Variants in GALNTL6 observed in about 807,000 individuals in gnomAD.
GALNTL6 encodes the protein polypeptide N-acetylgalactosaminyltransferase like 6.
A neutral mutation model predicts 73.7 loss-of-function variants in GALNTL6; 46 were observed. That is an observed-to-expected ratio of 0.62 (90% CI 0.49 to 0.80). The LOEUF is 0.80. Among genes scored for constraint, GALNTL6 ranks in the 30% least tolerant of loss-of-function variants. GALNTL6 has a pLI of 0.00. For synonymous variants in GALNTL6, 259 were observed against 263.7 expected (o/e 0.98, Z 0.17); for missense variants, 604 against 755.0 (o/e 0.80, Z 2.34).
At chr4:172,315,719 G>T (rs753369769) in intron 4 of GALNTL6, among the ~76,000 whole-genome samples, 13 of 151,410 alleles carry the variant, frequency 8.6e-5, no homozygotes, top group Non-Finnish European at 1.9e-4. Context: ...ATGTTGAAAA[G>T]AATTTTACAA....
intron 5 of GALNTL6, among the ~76,000 whole-genome samples, chr4:172,780,965 A>G (rs1006383248): frequency 1.3e-5 from 2 of 152,344 alleles, no homozygotes; most frequent in East Asian, 3.9e-4. Flanking sequence ...CTAATGATCA[A>G]TAGTCGTATC....
chr4:172,219,857 T>G (rs1736615737), intron 2 of GALNTL6, among the ~76,000 whole-genome samples: 1 of 151,960 alleles, frequency 6.6e-6, no homozygotes, highest in African/African-American at 2.4e-5. Flanking sequence ...GTTTTGATAT[T>G]TAAAAGTATT....
chr4:172,716,079 C>G (rs1385319523), intron 5 of GALNTL6, among the ~76,000 whole-genome samples: 4 of 149,550 alleles, frequency 2.7e-5, no homozygotes, highest in African/African-American at 9.8e-5. Context: ...ACCCCAACAA[C>G]CCCAGGGTGG....
intron 12 of GALNTL6, among the ~76,000 whole-genome samples, chr4:173,027,525 CA>C (rs776705425): frequency 1.1e-4 from 16 of 152,108 alleles, no homozygotes; most frequent in Non-Finnish European, 1.9e-4. Context: ...CTTAGCCATA[CA>C]GAAAGTAAGC....
chr4:172,046,689 C>T (rs1306767240), intron 2 of GALNTL6, among the ~76,000 whole-genome samples: 1 of 152,100 alleles, frequency 6.6e-6, no homozygotes, highest in East Asian at 1.9e-4. Flanking sequence ...AATGTCTATT[C>T]AGGCCCCTTG....
chr4:172,519,748 T>C (rs934436685), intron 5 of GALNTL6, among the ~76,000 whole-genome samples: 1 of 151,876 alleles, frequency 6.6e-6, no homozygotes, highest in Non-Finnish European at 1.5e-5. Flanking sequence ...ACATCTTTTC[T>C]TTTTGCCTTG....
intron 5 of GALNTL6, among the ~76,000 whole-genome samples, chr4:172,422,853 C>T (rs762018822): frequency 1.9e-4 from 29 of 151,292 alleles, no homozygotes; most frequent in Non-Finnish European, 3.7e-4. Flanking sequence ...AACTAATCTA[C>T]CTCTTCCCTC....
intron 3 of GALNTL6, among the ~76,000 whole-genome samples, chr4:172,278,144 C>T (rs1456461286): frequency 6.6e-6 from 1 of 151,992 alleles, no homozygotes; most frequent in Non-Finnish European, 1.5e-5. Flanking sequence ...TCTCTTATGT[C>T]CTTTCTTCCC....
intron 2 of GALNTL6, among the ~76,000 whole-genome samples, chr4:171,935,012 C>T (rs1288360973): frequency 6.6e-6 from 1 of 152,130 alleles, no homozygotes; most frequent in African/African-American, 2.4e-5. Flanking sequence ...TCTAGTCTCC[C>T]ATTCCCATGA....
chr4:172,082,532 G>T (rs964296389), intron 2 of GALNTL6, among the ~76,000 whole-genome samples: 1 of 152,148 alleles, frequency 6.6e-6, no homozygotes. Context: ...TTAAATAACT[G>T]TATAGGGGAG....
intron 5 of GALNTL6, among the ~76,000 whole-genome samples, chr4:172,673,957 C>A (rs932436661): frequency 7.2e-5 from 11 of 152,124 alleles, no homozygotes; most frequent in African/African-American, 2.7e-4. Context: ...GGGCATTTAG[C>A]CCATTTACAT....
chr4:172,421,110 C>A (rs189801974), intron 5 of GALNTL6, among the ~76,000 whole-genome samples: 9 of 152,154 alleles, frequency 5.9e-5, no homozygotes, highest in Middle Eastern at 6.8e-3. Context: ...CACATGTATA[C>A]CTGTGTAATA....
chr4:172,760,444 A>G (rs1234369158), intron 5 of GALNTL6, among the ~76,000 whole-genome samples: 3 of 152,226 alleles, frequency 2.0e-5, no homozygotes, highest in Admixed American at 6.5e-5. Context: ...TTTAAAAAAT[A>G]GACCTACTCT....
intron 2 of GALNTL6, among the ~76,000 whole-genome samples, chr4:172,182,770 C>G (rs551932926): frequency 6.6e-6 from 1 of 151,936 alleles, no homozygotes; most frequent in Non-Finnish European, 1.5e-5. Flanking sequence ...TTTATTATGA[C>G]AAACCGTAAA....
intron 2 of GALNTL6, among the ~76,000 whole-genome samples, chr4:172,190,725 G>A (rs778597240): frequency 2.0e-5 from 3 of 152,144 alleles, no homozygotes; most frequent in African/African-American, 7.2e-5. Flanking sequence ...GCAACAAAAA[G>A]CCATGTTTAT....
intron 5 of GALNTL6, among the ~76,000 whole-genome samples, chr4:172,624,830 T>C (rs1255176901): frequency 6.6e-6 from 1 of 151,764 alleles, no homozygotes; most frequent in Non-Finnish European, 1.5e-5. Context: ...TTTTATTTTA[T>C]ATTCAGTGAG....
chr4:172,813,338 A>C (rs1476777989), intron 6 of GALNTL6, among the ~76,000 whole-genome samples: 1 of 152,194 alleles, frequency 6.6e-6, no homozygotes, highest in African/African-American at 2.4e-5. Context: ...AGGAAAATAC[A>C]ACAACTCTAA....
chr4:172,184,788 G>A (rs569387809), intron 2 of GALNTL6, among the ~76,000 whole-genome samples: 2 of 152,268 alleles, frequency 1.3e-5, no homozygotes, highest in Middle Eastern at 3.4e-3. Flanking sequence ...CGAGGGATTG[G>A]CATTGTTGAA....
At chr4:172,817,120 AAAAG>A (rs1015313178) in intron 7 of GALNTL6, among the ~76,000 whole-genome samples, 4 of 148,008 alleles carry the variant, frequency 2.7e-5, no homozygotes, top group Admixed American at 6.7e-5. Flanking sequence ...AAAAAAAAAA[AAAAG>A]AAAGGAAGAA....
Sources: gnomAD v4.1 joint callset for allele counts (sites outside exome capture counted in the v4.1 genomes callset) on GRCh38, gnomAD v4.1.1 for gene constraint, MANE v1.5 for transcripts, NCBI Gene and HGNC (gene_info 2026-07-23, HGNC 2026-07-21) for gene names.